The following CRIM1 variants were observed in gnomAD, a reference collection of about 807,000 sequenced individuals.
CRIM1 encodes cysteine rich transmembrane BMP regulator 1.
CRIM1 carries 32 observed loss-of-function variants against 116.4 expected under a neutral mutation model. The observed-to-expected ratio is 0.27, with a 90% CI of 0.21 to 0.37. The LOEUF (loss-of-function observed/expected upper bound fraction) is 0.37, where lower values mean the gene tolerates loss of function less well. CRIM1 is among the 10% of genes least tolerant of loss of function. The pLI is 1.00. For missense variants in CRIM1, 1,331 were observed against 1,354.8 expected, an observed-to-expected ratio of 0.98 and a Z score of 0.28; for synonymous variants, 590 against 509.2, an observed-to-expected ratio of 1.16 and a Z score of -2.13.
At chr2:36,442,833 G>T in intron 4 of CRIM1, 98 bp downstream of exon 4, 3 of 1,351,734 alleles carry the variant, frequency 2.2e-6, no homozygotes, top group Non-Finnish European at 3.1e-6. Flanking sequence ...GAGAAACCTA[G>T]TCCTTTCCTG....
chr2:36,434,329 A>G (rs1435217325), intron 2 of CRIM1, among the ~76,000 whole-genome samples: 1 of 152,250 alleles, frequency 6.6e-6, no homozygotes, highest in East Asian at 1.9e-4. Flanking sequence ...TTATCTTTGC[A>G]AATTAATTTT....
chr2:36,368,139 G>T (rs1669713941), intron 1 of CRIM1, among the ~76,000 whole-genome samples: 1 of 152,186 alleles, frequency 6.6e-6, no homozygotes, highest in African/African-American at 2.4e-5. Flanking sequence ...GTTTCCTTAA[G>T]GAGCAGACTG....
chr2:36,405,814 A>G (rs117514056), intron 2 of CRIM1, among the ~76,000 whole-genome samples: 1 of 152,348 alleles, frequency 6.6e-6, no homozygotes, highest in East Asian at 1.9e-4. Flanking sequence ...TGATTTCATT[A>G]TGCAATTAAA....
intron 11 of CRIM1, among the ~76,000 whole-genome samples, chr2:36,515,895 T>C (rs1665003011): frequency 6.6e-6 from 1 of 152,244 alleles, no homozygotes; most frequent in Admixed American, 6.5e-5. Context: ...ATCGATACTC[T>C]TTGGGACTTT....
rs28545273 is a variant in CRIM1, at chr2:36,501,378, G to A, written c.1501+2031G>A. On this transcript the variant is annotated intron_variant, in intron 8 of 16. Coordinates refer to ENST00000280527, the MANE Select transcript of CRIM1 (RefSeq NM_016441.3). Reference sequence around the variant, plus strand: ...CCATTCTGCTTCCTCAGTTACATGTGACCATCACACTATCTACAGTGGCGT... The same window carrying A: ...CCATTCTGCTTCCTCAGTTACATGTAACCATCACACTATCTACAGTGGCGT... Among the ~76,000 whole-genome samples the A allele has an allele frequency of 7.8e-3, 1,189 of 152,274 alleles. 7 individuals are homozygous for A. Among genetic ancestry groups the A allele is most frequent in the Non-Finnish European group, 0.013 (895 of 68,008 alleles).
chr2:36,531,104 A>T (rs1433294463), intron 13 of CRIM1, among the ~76,000 whole-genome samples: 1 of 152,220 alleles, frequency 6.6e-6, no homozygotes, highest in East Asian at 1.9e-4. Flanking sequence ...CTTCTTGGCC[A>T]CCAGGATCCC....
At chr2:36,456,518 G>A (rs948128789) in intron 4 of CRIM1, among the ~76,000 whole-genome samples, 1 of 152,096 alleles carries the variant, frequency 6.6e-6, no homozygotes, top group African/African-American at 2.4e-5. Context: ...CCTTCATGCA[G>A]CTCTCACTCC....
intron 7 of CRIM1, among the ~76,000 whole-genome samples, chr2:36,485,350 T>G (rs914457248): frequency 6.6e-6 from 1 of 152,220 alleles, no homozygotes; most frequent in African/African-American, 2.4e-5. Flanking sequence ...GTAAGCCACT[T>G]CAGTCTCAGC....
chr2:36,484,796 C>G (rs945210688), intron 7 of CRIM1, among the ~76,000 whole-genome samples: 1 of 152,174 alleles, frequency 6.6e-6, no homozygotes, highest in Non-Finnish European at 1.5e-5. Flanking sequence ...GAACTAGGAA[C>G]AACTTAGGTA....
In CRIM1 at chr2:36,464,591, C is replaced by T. The variant is rs960745937; in HGVS notation, c.927C>T (p.Pro309=). Residue 309 remains proline, a synonymous_variant, in exon 5 of 17, where the codon CCC becomes CCT. Coordinates refer to ENST00000280527, the MANE Select transcript of CRIM1 (RefSeq NM_016441.3). ...CCGTGTGTGAGGTGGGATCCACTCCCCGCATAGTCTCTCGTGGCGATGGGA... is the reference window on the plus strand; with the variant it reads ...CCGTGTGTGAGGTGGGATCCACTCCTCGCATAGTCTCTCGTGGCGATGGGA... ...GFPVCEVGST[P]RIVSRGDGTP... The T allele has an allele frequency of 6.2e-7, 1 of 1,614,136 alleles. No homozygotes were observed. The highest frequency in any genetic ancestry group is 1.3e-5 in the African/African-American group (1 of 75,022).
intron 4 of CRIM1, 94 bp from the exon 5 acceptor site, chr2:36,464,440 C>G (rs1246443679): frequency 1.6e-5 from 22 of 1,371,960 alleles, no homozygotes; most frequent in Non-Finnish European, 2.3e-5. Flanking sequence ...AGACCAGGTA[C>G]TTTGCCACAG....
chr2:36,401,753 A>C (rs1266835821), intron 2 of CRIM1, among the ~76,000 whole-genome samples: 1 of 152,256 alleles, frequency 6.6e-6, no homozygotes, highest in Non-Finnish European at 1.5e-5. Context: ...TCAAGAATTA[A>C]TCAGAAATGT....
chr2:36,412,903 TAAGAA>T (rs562086641), intron 2 of CRIM1, among the ~76,000 whole-genome samples: 89 of 152,286 alleles, frequency 5.8e-4, no homozygotes, highest in African/African-American at 2.1e-3. Flanking sequence ...AAGTACTTCC[TAAGAA>T]GAGAAGTAAA....
At chr2:36,450,319 C>G (rs1248813476) in intron 4 of CRIM1, among the ~76,000 whole-genome samples, 2 of 152,146 alleles carry the variant, frequency 1.3e-5, no homozygotes, top group Non-Finnish European at 2.9e-5. Flanking sequence ...ACTTGTTTCT[C>G]CCCTTCTGTT....
chr2:36,531,642 G>GAA, intron 13 of CRIM1, among the ~76,000 whole-genome samples: 1 of 152,102 alleles, frequency 6.6e-6, no homozygotes, highest in East Asian at 1.9e-4. Flanking sequence ...TTCTTATCTT[G>GAA]AAAAGAGGTA....
intron 1 of CRIM1, among the ~76,000 whole-genome samples, chr2:36,381,044 A>C (rs1670715136): frequency 6.6e-6 from 1 of 152,050 alleles, no homozygotes; most frequent in Non-Finnish European, 1.5e-5. Context: ...AATACAGAAC[A>C]CAGTGGGCTG....
Position 36,500,052 on chromosome 2 carries a change from C to G in CRIM1, c.1501+705C>G, listed in dbSNP as rs78522277. 8.7e-3 allele frequency among the ~76,000 whole-genome samples: 1,316 copies of G among 152,138 alleles called. 17 individuals are homozygous for G. The highest frequency in any genetic ancestry group is 0.031 in the African/African-American group (1,266 of 41,494). Reference sequence around the variant, plus strand: ...ATCAAGATACTCCAGAATGGGCAGGCATGGTGGCTCACGCTTATAATTTCA... The same window carrying G: ...ATCAAGATACTCCAGAATGGGCAGGGATGGTGGCTCACGCTTATAATTTCA... On this transcript the variant is annotated intron_variant, in intron 8 of 16. Transcript: ENST00000280527.
chr2:36,372,076 A>T (rs564247351), intron 1 of CRIM1, among the ~76,000 whole-genome samples: 1 of 152,332 alleles, frequency 6.6e-6, no homozygotes, highest in East Asian at 1.9e-4. Context: ...GTGTGGTGCA[A>T]CCTGTTTACT....
chr2:36,367,288 C>G (rs1303862059), intron 1 of CRIM1, among the ~76,000 whole-genome samples: 2 of 152,140 alleles, frequency 1.3e-5, no homozygotes, highest in African/African-American at 4.8e-5. Flanking sequence ...GTGTTTTAAT[C>G]AAGACTGTGA....
Sources: gnomAD v4.1 joint callset for allele counts (sites outside exome capture counted in the v4.1 genomes callset) on GRCh38, gnomAD v4.1.1 for gene constraint, MANE v1.5 for transcripts, NCBI Gene and HGNC (gene_info 2026-07-23, HGNC 2026-07-21) for gene names.